CPLANE1: variants seen among roughly 807,000 people sequenced by gnomAD.
The protein encoded by CPLANE1 is ciliogenesis and planar polarity effector 1.
A neutral mutation model predicts 362.5 loss-of-function variants in CPLANE1; 263 were observed. The ratio of observed to expected loss-of-function variants is 0.73; its 90% CI spans 0.66 to 0.80. The LOEUF is 0.80. CPLANE1 is among the 30% of genes least tolerant of loss of function. CPLANE1 has a pLI of 0.00. For synonymous variants in CPLANE1, 1,212 were observed against 1,302.6 expected, an observed-to-expected ratio of 0.93 and a Z score of 1.50; for missense variants, 3,461 against 3,793.4, an observed-to-expected ratio of 0.91 and a Z score of 2.30.
chr5:37,150,476 T>G (rs996722085), intron 42 of CPLANE1, among the ~76,000 whole-genome samples: 1 of 152,034 alleles, frequency 6.6e-6, no homozygotes, highest in Non-Finnish European at 1.5e-5. Flanking sequence ...AAATTTATCA[T>G]GTCCCTGATA....
At chr5:37,092,993 G>C in the CPLANE1 span, among the ~76,000 whole-genome samples, 1,037 of 152,216 alleles carry the variant, frequency 6.8e-3, 8 homozygotes, top group African/African-American at 0.024. Flanking sequence ...TGGTACTAAG[G>C]AGATAATCTG....
chr5:37,242,683 A>C (rs1800812776), intron 6 of CPLANE1, among the ~76,000 whole-genome samples: 1 of 152,180 alleles, frequency 6.6e-6, no homozygotes, highest in Non-Finnish European at 1.5e-5. Context: ...AACATTTACA[A>C]ATTTTATTAC....
At chr5:37,246,568 T>G (rs1739738145) in intron 2 of CPLANE1, 1 of 152,204 alleles carries the variant, frequency 6.6e-6, no homozygotes, top group Non-Finnish European at 1.5e-5. Flanking sequence ...CATAAATCCC[T>G]GACTCTGCTC....
chr5:37,206,057 A>G lies in CPLANE1; in HGVS notation c.3149+140T>C, dbSNP rs184192439. Reference sequence around the variant, plus strand: ...GTGAGTGGCTACCATACTGGACAACACATTTCTATCACTAAAGAACGTTCC... The same window carrying G: ...GTGAGTGGCTACCATACTGGACAACGCATTTCTATCACTAAAGAACGTTCC... On this transcript the variant is annotated intron_variant, in intron 17 of 52. Coordinates refer to ENST00000651892, the MANE Select transcript of CPLANE1 (RefSeq NM_001384732.1). 73 of 652,016 alleles carry G rather than the reference A, an allele frequency of 1.1e-4. No homozygotes were observed. The East Asian group carries it at 1.7e-3, about 16-fold the overall frequency. 40.4% of individuals were successfully genotyped at this position (652,016 alleles called of 1,614,324 possible).
chr5:37,105,483 A>T (rs1757523985), downstream of CPLANE1, among the ~76,000 whole-genome samples: 1 of 152,224 alleles, frequency 6.6e-6, no homozygotes, highest in Admixed American at 6.5e-5. Context: ...CAGAAGAATG[A>T]AACTACACCT....
In CPLANE1 at chr5:37,167,211, G is replaced by A. The variant is rs1359746236; in HGVS notation, c.7236C>T (p.Cys2412=). ...LHSHLSPENR[C]KKTQLIPLEN... is the part of the protein sequence containing the mutation. ...CAAGTGGGATAAGTTGTGTTTTTTT[G>A]CACTACAAGAAAGAAACAAAGCATA... The change falls in exon 35 of 53, where the codon TGC becomes TGT. Residue 2412 remains cysteine (C), a splice_region_variant and synonymous_variant. Transcript: ENST00000651892. 14 of 1,606,312 alleles carry A rather than the reference G, an allele frequency of 8.7e-6. No individual in the cohort carries two copies. Among genetic ancestry groups the A allele is most frequent in the East Asian group, 2.2e-5 (1 of 44,696 alleles).
chr5:37,174,856 A>C (rs542887969), intron 31 of CPLANE1, among the ~76,000 whole-genome samples: 13 of 152,352 alleles, frequency 8.5e-5, no homozygotes, highest in African/African-American at 2.4e-4. Flanking sequence ...CAACTGATCT[A>C]TCTTTTCCTT....
At position 37,205,307 on chromosome 5, in the gene CPLANE1, T is replaced by TA. The variant is rs1456165914; in HGVS notation, c.3289+7dup. The TA allele has an allele frequency of 1.3e-6, 2 of 1,547,484 alleles. No homozygotes were observed. The highest frequency in any genetic ancestry group is 1.7e-6 in the Non-Finnish European group (2 of 1,145,562). The stretch of plus-strand genomic sequence containing the variant: ...TGACACGAATCAGACTATACATACA[T>TA]AACACACCTGTAAACTGTTTATATT... On this transcript the variant is annotated splice_region_variant and intron_variant, in intron 18 of 52. Coordinates refer to ENST00000651892, the MANE Select transcript of CPLANE1 (RefSeq NM_001384732.1).
At chr5:37,241,661 C>T (rs1800529881) in intron 6 of CPLANE1, among the ~76,000 whole-genome samples, 1 of 152,196 alleles carries the variant, frequency 6.6e-6, no homozygotes, top group Non-Finnish European at 1.5e-5. Flanking sequence ...GGGTCTCACT[C>T]TGTCACCCAG....
At chr5:37,116,127 A>C (rs1173772547) in intron 50 of CPLANE1, among the ~76,000 whole-genome samples, 1 of 151,814 alleles carries the variant, frequency 6.6e-6, no homozygotes, top group African/African-American at 2.4e-5. Context: ...TCTCTACGAA[A>C]AAATTTAAAA....
rs1043615651 is a variant in CPLANE1, at chr5:37,205,465, A to G, written c.3150-11T>C. 23 of 1,477,202 alleles carry G rather than the reference A, an allele frequency of 1.6e-5. No homozygotes were observed. The highest frequency in any genetic ancestry group is 2.5e-5 in the Admixed American group (1 of 39,994). 91.5% of individuals were successfully genotyped at this position (1,477,202 alleles called of 1,614,324 possible). ...CTCTTTTTCTTGGACCTGAAATGAC[A>G]TCAAATTAAGGGAAATGAATCCAAA... On this transcript the variant is annotated splice_polypyrimidine_tract_variant and intron_variant, in intron 17 of 52. Coordinates refer to ENST00000651892, the MANE Select transcript of CPLANE1 (RefSeq NM_001384732.1).
chr5:37,093,337 T>C, the CPLANE1 span, among the ~76,000 whole-genome samples: 1 of 152,200 alleles, frequency 6.6e-6, no homozygotes, highest in Non-Finnish European at 1.5e-5. Context: ...GCACTGGCAT[T>C]CCAACAGCAA....
intron 44 of CPLANE1, chr5:37,141,144 T>A (rs1486466644): frequency 1.0e-6 from 1 of 985,286 alleles, no homozygotes; most frequent in East Asian, 1.1e-4. Flanking sequence ...CCTCATTATT[T>A]CCCAGGTCAG....
chr5:37,201,549 A>T, intron 19 of CPLANE1, 42 bp downstream of exon 19: 1 of 1,486,490 alleles, frequency 6.7e-7, no homozygotes, highest in Non-Finnish European at 9.2e-7. Context: ...ACTTGACAAA[A>T]TCAACTTTAA....
chr5:37,220,362 G>C (rs1194146955), intron 15 of CPLANE1, among the ~76,000 whole-genome samples: 1 of 151,872 alleles, frequency 6.6e-6, no homozygotes, highest in African/African-American at 2.4e-5. Flanking sequence ...GGGCCTTTCA[G>C]ACACATTCGT....
intron 49 of CPLANE1, among the ~76,000 whole-genome samples, chr5:37,121,167 A>G (rs758598700): frequency 4.6e-5 from 7 of 152,194 alleles, no homozygotes; most frequent in Non-Finnish European, 8.8e-5. Context: ...TAAAATACAT[A>G]ATAGTAGCTA....
the CPLANE1 span, among the ~76,000 whole-genome samples, chr5:37,096,949 A>G: frequency 6.6e-6 from 1 of 152,204 alleles, no homozygotes; most frequent in African/African-American, 2.4e-5. Flanking sequence ...ACACTTCTAC[A>G]CTGCTGGTGG....
chr5:37,105,375 C>T (rs1579718686), downstream of CPLANE1, among the ~76,000 whole-genome samples: 1 of 152,154 alleles, frequency 6.6e-6, no homozygotes, highest in East Asian at 1.9e-4. Flanking sequence ...CATGCATTTA[C>T]AGCCAGCCCA....
rs776501280 is a variant in CPLANE1, at chr5:37,183,537, A to G, written c.4644T>C (p.Asp1548=). ...ACAGATCAAGGAATTTAATATATTC[A>G]TCATCATCACGTTCAAATTCCCAAA... is the stretch of plus-strand genomic sequence containing the variant. ...IGVWEFERDD[D]EYIKFLDLFL... The change falls in exon 26 of 53, where the codon GAT becomes GAC. Residue 1548 remains aspartate (D), a synonymous_variant. Coordinates refer to ENST00000651892, the MANE Select transcript of CPLANE1 (RefSeq NM_001384732.1). 10 of 1,613,356 alleles carry G rather than the reference A, an allele frequency of 6.2e-6. No homozygotes were observed. In the South Asian group the frequency reaches 1.1e-4, roughly 18 times the overall value.
Sources: allele counts gnomAD v4.1 joint callset (sites outside exome capture counted in the v4.1 genomes callset), GRCh38; gene constraint gnomAD v4.1.1; transcripts MANE v1.5; gene names NCBI Gene and HGNC (gene_info 2026-07-23, HGNC 2026-07-21).